Variants in SMARCA4 observed in about 807,000 individuals in gnomAD.
The protein encoded by SMARCA4 is SWI/SNF related BAF chromatin remodeling complex subunit ATPase 4.
Under a neutral mutation model 193.9 loss-of-function variants are expected in SMARCA4, and 31 were observed. The ratio of observed to expected loss-of-function variants is 0.16; its 90% CI spans 0.12 to 0.22. The LOEUF is 0.22. SMARCA4 is among the 10% of genes least tolerant of loss of function. The pLI, the probability that SMARCA4 is intolerant of heterozygous loss-of-function variation, is 1.00. For synonymous variants in SMARCA4, 942 were observed against 933.1 expected (o/e 1.01, Z -0.17); for missense variants, 1,148 against 2,296.0 (o/e 0.50, Z 10.22).
At chr19:11,029,192 G>A (rs1013916629) in intron 24 of SMARCA4, among the ~76,000 whole-genome samples, 1 of 152,150 alleles carries the variant, frequency 6.6e-6, no homozygotes, top group Admixed American at 6.5e-5. Context: ...TCATGGCCGG[G>A]CCACCCCCCA....
rs572462248 is a variant in SMARCA4, at chr19:11,031,807, G to A, written c.3546+914G>A. 2 of 152,370 alleles carry A rather than the reference G, an allele frequency of 1.3e-5. No individual in the cohort carries two copies. Among genetic ancestry groups the A allele is most frequent in the South Asian group, 4.1e-4 (2 of 4,824 alleles). 9.4% of individuals were successfully genotyped at this position (152,370 alleles called of 1,614,324 possible). ...TCAGAGTGCTTGTGCAAACACCCTAGGTCTGCGCAGCCCTCAGACATGGGG... is the reference window on the plus strand; with the variant it reads ...TCAGAGTGCTTGTGCAAACACCCTAAGTCTGCGCAGCCCTCAGACATGGGG... On this transcript the variant is annotated intron_variant, in intron 25 of 34. Coordinates refer to ENST00000344626, the MANE Select transcript of SMARCA4 (RefSeq NM_003072.5). The surrounding 1 kb of genome is among the most constrained non-coding windows in gnomAD (Gnocchi z 4.3).
At chr19:10,996,852 C>G (rs2087106541) in intron 11 of SMARCA4, among the ~76,000 whole-genome samples, 1 of 152,166 alleles carries the variant, frequency 6.6e-6, no homozygotes, top group African/African-American at 2.4e-5. Flanking sequence ...CACCCAGAGT[C>G]TCCATTTTCA....
intron 32 of SMARCA4, chr19:11,059,160 A>G (rs1290458721): frequency 2.3e-6 from 1 of 443,702 alleles, no homozygotes; most frequent in Non-Finnish European, 4.1e-6. Flanking sequence ...TATTTTAGCA[A>G]TTACAAAAGC....
At chr19:11,051,601 C>G (rs1216033920) in intron 30 of SMARCA4, among the ~76,000 whole-genome samples, 2 of 151,816 alleles carry the variant, frequency 1.3e-5, no homozygotes, top group African/African-American at 4.8e-5. Flanking sequence ...AGCAATTCTC[C>G]TGTTTCAGCC....
intron 1 of SMARCA4, among the ~76,000 whole-genome samples, chr19:10,964,299 A>G (rs1262089930): frequency 6.6e-6 from 1 of 151,554 alleles, no homozygotes; most frequent in Admixed American, 6.6e-5. Flanking sequence ...TGTCTGGTGG[A>G]ACTTTCTTTC....
At chr19:11,040,271 G>T (rs1005316816) in intron 29 of SMARCA4, 2 of 150,892 alleles carry the variant, frequency 1.3e-5, no homozygotes, top group African/African-American at 2.4e-5. Context: ...GCGAAACTCC[G>T]TCTCAAAAAT....
At position 10,985,175 on chromosome 19, in the gene SMARCA4, G is replaced by A. The variant is rs2145743452; in HGVS notation, c.223-98G>A. ...AGATGCGCGTCATCTTCGGGTGGCTGTTCTCGGTGCCCTCGAGCTTCTCTC... is the reference window on the plus strand; with the variant it reads ...AGATGCGCGTCATCTTCGGGTGGCTATTCTCGGTGCCCTCGAGCTTCTCTC... On this transcript the variant is annotated intron_variant, in intron 2 of 34. Coordinates refer to ENST00000344626, the MANE Select transcript of SMARCA4 (RefSeq NM_003072.5). This position sits in a 1 kb window ranked among gnomAD's most constrained non-coding sequence, Gnocchi z 4.5. 1 of 1,332,126 alleles carries A rather than the reference G, an allele frequency of 7.5e-7. No homozygotes were observed. The highest frequency in any genetic ancestry group is 1.1e-6 in the Non-Finnish European group (1 of 929,538). 82.5% of individuals were successfully genotyped at this position (1,332,126 alleles called of 1,614,324 possible). A position where few individuals can be genotyped will look rare whatever the true frequency, so the allele number is the denominator to read the frequency against.
intron 15 of SMARCA4, chr19:11,010,933 C>T (rs1600192095): frequency 3.1e-6 from 1 of 317,630 alleles, no homozygotes; most frequent in East Asian, 7.6e-5. Flanking sequence ...GACAGGTTAC[C>T]TGAGCTCTGT....
At chr19:10,989,890 G>T (rs997147093) in intron 7 of SMARCA4, among the ~76,000 whole-genome samples, 2 of 151,960 alleles carry the variant, frequency 1.3e-5, no homozygotes, top group African/African-American at 4.8e-5. Flanking sequence ...TAGAGACAGG[G>T]TTTCACCATA....
At chr19:10,961,716 A>C (rs2083822810) in intron 1 of SMARCA4, 1 of 152,080 alleles carries the variant, frequency 6.6e-6, no homozygotes, top group Admixed American at 6.6e-5. Flanking sequence ...GTCATTCCAG[A>C]TTTTCAAGGA....
At chr19:10,989,206 C>A in intron 6 of SMARCA4, 111 bp from the exon 7 acceptor site, 2 of 1,356,156 alleles carry the variant, frequency 1.5e-6, no homozygotes, top group Non-Finnish European at 2.1e-6. Flanking sequence ...GCATCTCTTG[C>A]CTCATGACTA....
chr19:11,022,931 A>G (rs2089981532), intron 19 of SMARCA4, among the ~76,000 whole-genome samples: 1 of 152,274 alleles, frequency 6.6e-6, no homozygotes, highest in African/African-American at 2.4e-5. Context: ...GGGAAGCAAT[A>G]GAAGAAAAGT....
chr19:11,048,993 C>G lies in SMARCA4; in HGVS notation c.4424+7433C>G, dbSNP rs146698372. On this transcript the variant is annotated intron_variant, in intron 30 of 34. Coordinates refer to ENST00000344626, the MANE Select transcript of SMARCA4 (RefSeq NM_003072.5). ...TGTATACACAGAGTGCAGTGACATG[C>G]CCCTCCTGCTCAGGGGCCACAGTAG... 4.6e-5 allele frequency among the ~76,000 whole-genome samples: 7 copies of G among 152,182 alleles called. No homozygotes were observed. The East Asian group carries it at 7.7e-4, about 17-fold the overall frequency.
At chr19:11,024,140 G>T (rs1272246409) in intron 20 of SMARCA4, among the ~76,000 whole-genome samples, 191 bp from the exon 21 acceptor site, 1 of 152,170 alleles carries the variant, frequency 6.6e-6, no homozygotes, top group Non-Finnish European at 1.5e-5. Context: ...TGGTATCTCT[G>T]CCTGGTGCTT....
At chr19:11,036,779 G>A (rs899120629) in intron 29 of SMARCA4, among the ~76,000 whole-genome samples, 6 of 152,110 alleles carry the variant, frequency 3.9e-5, no homozygotes, top group African/African-American at 1.2e-4. Context: ...GCCCTGCCCC[G>A]ATTTGCCATT....
rs1060504468 is a variant in SMARCA4 at position 10,994,887 on chromosome 19, C to T, written c.1479C>T (p.Val493=). The part of the protein sequence containing the change: ...AKDFKEYHRS[V]TGKIQKLTKA... ...ATTTCAAGGAATATCACAGATCCGT[C>T]ACAGGCAAAATCCAGAAGCTGACCA... Residue 493 remains valine, a synonymous_variant, in exon 9 of 35, where the codon GTC becomes GTT. Transcript: ENST00000344626. The T allele has an allele frequency of 1.2e-6, 2 of 1,614,114 alleles. No individual in the cohort carries two copies. Among genetic ancestry groups the T allele is most frequent in the Non-Finnish European group, 1.7e-6 (2 of 1,179,964 alleles).
At position 11,034,889 on chromosome 19, in the gene SMARCA4, C is replaced by G. The variant is rs758811728; in HGVS notation, c.3952-25C>G. The G allele has an allele frequency of 2.3e-5, 34 of 1,510,216 alleles. 1 individual carries two copies. In the South Asian group the frequency reaches 3.5e-4, roughly 15 times the overall value. 93.6% of individuals were successfully genotyped at this position (1,510,216 alleles called of 1,614,324 possible). On this transcript the variant is annotated intron_variant, in intron 28 of 34. Transcript: ENST00000344626. This position sits in a 1 kb window ranked among gnomAD's most constrained non-coding sequence, Gnocchi z 7.0. ...CCCTGGTGCCTGCATGCTGATGCCT[C>G]TCCCGTTGCCTCCCTGCCCACCAGC...
chr19:11,003,463 G>A (rs2146112341), intron 13 of SMARCA4, 66 bp downstream of exon 13: 1 of 1,417,080 alleles, frequency 7.1e-7, no homozygotes. Context: ...CACCCTGTGT[G>A]TTGTGACCGT....
chr19:10,986,900 T>C lies in SMARCA4; in HGVS notation c.761-5T>C, dbSNP rs543702763. 55 of 1,605,690 alleles carry C rather than the reference T, an allele frequency of 3.4e-5. No individual in the cohort carries two copies. The Middle Eastern group carries it at 4.5e-3, about 130-fold the overall frequency. On this transcript the variant is annotated splice_region_variant and splice_polypyrimidine_tract_variant and intron_variant, in intron 4 of 34. Coordinates refer to ENST00000344626, the MANE Select transcript of SMARCA4 (RefSeq NM_003072.5). This position sits in a 1 kb window ranked among gnomAD's most constrained non-coding sequence, Gnocchi z 6.7. ...GTTTTCTCTTTTGTTTCTCCCTACATGTAGGTATGGGAGGGCCCAACATGC... is the reference window on the plus strand; with the variant it reads ...GTTTTCTCTTTTGTTTCTCCCTACACGTAGGTATGGGAGGGCCCAACATGC...
Sources: allele counts gnomAD v4.1 joint callset (sites outside exome capture counted in the v4.1 genomes callset), GRCh38; gene constraint gnomAD v4.1.1; non-coding constraint Gnocchi (gnomAD v3.1); transcripts MANE v1.5; gene names NCBI Gene and HGNC (gene_info 2026-07-23, HGNC 2026-07-21).